Variants in CRISPLD2 observed in about 807,000 individuals in gnomAD.
CRISPLD2 encodes cysteine rich secretory protein LCCL domain containing 2.
In CRISPLD2, 47 loss-of-function variants were observed where a neutral mutation model predicts 71.1. That is an observed-to-expected ratio of 0.66 (90% CI 0.52 to 0.84). The LOEUF (loss-of-function observed/expected upper bound fraction) is 0.84, where lower values mean the gene tolerates loss of function less well. Among genes scored for constraint, CRISPLD2 ranks in the 40% least tolerant of loss-of-function variants. The pLI is 0.00. For synonymous variants in CRISPLD2, 317 were observed against 250.1 expected (o/e 1.27, Z -2.52); for missense variants, 830 against 651.1 (o/e 1.27, Z -2.99).
chr16:84,826,425 G>T (rs995383676), intron 1 of CRISPLD2, among the ~76,000 whole-genome samples: 8 of 152,230 alleles, frequency 5.3e-5, no homozygotes, highest in Non-Finnish European at 1.0e-4. Flanking sequence ...TTCAGAGCAC[G>T]TTTCATGCCC....
At chr16:84,841,729 G>C (rs1487010861) in intron 2 of CRISPLD2, among the ~76,000 whole-genome samples, 1 of 151,924 alleles carries the variant, frequency 6.6e-6, no homozygotes, top group Non-Finnish European at 1.5e-5. Context: ...CCAAGTAGTT[G>C]GGATTATAGG....
chr16:84,822,694 A>T (rs1916258273), intron 1 of CRISPLD2, among the ~76,000 whole-genome samples: 1 of 152,150 alleles, frequency 6.6e-6, no homozygotes, highest in Admixed American at 6.5e-5. Context: ...CAGTTCATTG[A>T]GTGGAACAGA....
At chr16:84,879,361 C>CTTTTT (rs376471544) in intron 12 of CRISPLD2, among the ~76,000 whole-genome samples, 8 of 83,326 alleles carry the variant, frequency 9.6e-5, no homozygotes, top group East Asian at 8.3e-4. Context: ...CTTTCCAATT[C>CTTTTT]TTTTTTTTTT....
intron 1 of CRISPLD2, among the ~76,000 whole-genome samples, chr16:84,834,741 G>A (rs1004843246): frequency 1.3e-5 from 2 of 152,138 alleles, no homozygotes; most frequent in African/African-American, 2.4e-5. Context: ...CAAGGTGCTG[G>A]CGGGGCTGGT....
intron 1 of CRISPLD2, among the ~76,000 whole-genome samples, chr16:84,833,400 G>C (rs1916534820): frequency 6.6e-6 from 1 of 152,234 alleles, no homozygotes; most frequent in Admixed American, 6.5e-5. Context: ...ATCTTCTAGA[G>C]AGCATTTCTG....
chr16:84,837,682 G>T (rs908780941), intron 1 of CRISPLD2, among the ~76,000 whole-genome samples: 2 of 152,198 alleles, frequency 1.3e-5, no homozygotes, highest in Non-Finnish European at 2.9e-5. Flanking sequence ...CTCCCAAAGT[G>T]CTGGGATTAC....
rs140218373 is a variant in CRISPLD2, at chr16:84,876,949, C to T, written c.1157-489C>T. Among the ~76,000 whole-genome samples the T allele has an allele frequency of 2.1e-3, 316 of 152,298 alleles. 1 individual carries two copies. The highest frequency in any genetic ancestry group is 7.2e-3 in the African/African-American group (298 of 41,546). On this transcript the variant is annotated intron_variant, in intron 11 of 14. Transcript: ENST00000262424. ...AAGATAAAAGCCCCTCGCCCCTCAGCAGGGATGAATGTGCCTTGATTAGCG... is the reference window on the plus strand; with the variant it reads ...AAGATAAAAGCCCCTCGCCCCTCAGTAGGGATGAATGTGCCTTGATTAGCG...
chr16:84,848,097 G>A (rs1421164237), intron 3 of CRISPLD2, among the ~76,000 whole-genome samples: 1 of 152,192 alleles, frequency 6.6e-6, no homozygotes, highest in Non-Finnish European at 1.5e-5. Context: ...TTGCAAAAGA[G>A]CCCCTGACTC....
intron 2 of CRISPLD2, among the ~76,000 whole-genome samples, chr16:84,845,383 C>T (rs973863626): frequency 2.0e-5 from 3 of 152,116 alleles, no homozygotes; most frequent in Admixed American, 2.0e-4. Context: ...CTGGAACATG[C>T]ATAAGGAGAG....
chr16:84,837,128 G>T (rs1057187544), intron 1 of CRISPLD2, among the ~76,000 whole-genome samples: 1 of 152,230 alleles, frequency 6.6e-6, no homozygotes, highest in South Asian at 2.1e-4. Flanking sequence ...ACTCTCCCCT[G>T]CGAGGAAAGC....
chr16:84,846,696 G>A (rs1360286882), intron 3 of CRISPLD2, among the ~76,000 whole-genome samples: 1 of 152,156 alleles, frequency 6.6e-6, no homozygotes. Context: ...ACCCTGTTGG[G>A]AAGATGCCCA....
At position 84,903,540 on chromosome 16, in the gene CRISPLD2, C is replaced by T. The variant is rs567593553; in HGVS notation, c.1440-3048C>T. On this transcript the variant is annotated intron_variant, in intron 14 of 14. Transcript: ENST00000262424. ...CTGGGAGGCGGCGGTTGCAATGAGCCGAGATCACACCGTTGCACTCCAGCC... is the reference window on the plus strand; with the variant it reads ...CTGGGAGGCGGCGGTTGCAATGAGCTGAGATCACACCGTTGCACTCCAGCC... Among the ~76,000 whole-genome samples, 4 of 150,618 alleles carry T rather than the reference C, an allele frequency of 2.7e-5. No individual in the cohort carries two copies. The South Asian group carries it at 6.3e-4, about 24-fold the overall frequency.
At position 84,877,480 on chromosome 16, in the gene CRISPLD2, C is replaced by G; in HGVS notation, c.1199C>G (p.Pro400Arg). The part of the protein sequence containing the change: ...DCYTTVAQLC[P>R]FEKPATHCPR... The stretch of plus-strand genomic sequence containing the variant: ...TACACGACCGTTGCTCAGCTGTGCC[C>G]GTTTGAAAAGCCAGCAACTCACTGC... Residue 400 changes from proline (P) to arginine (R), a missense_variant, in exon 12 of 15, where the codon CCG (proline) becomes CGG (arginine). By Grantham distance (103) the Pro-to-Arg change is moderately radical. Coordinates refer to ENST00000262424, the MANE Select transcript of CRISPLD2 (RefSeq NM_031476.4). 2 of 1,613,924 alleles carry G rather than the reference C, an allele frequency of 1.2e-6. No homozygotes were observed. Among genetic ancestry groups the G allele is most frequent in the South Asian group, 1.1e-5 (1 of 91,076 alleles).
At chr16:84,833,760 G>A (rs1368121562) in intron 1 of CRISPLD2, among the ~76,000 whole-genome samples, 1 of 152,182 alleles carries the variant, frequency 6.6e-6, no homozygotes, top group South Asian at 2.1e-4. Flanking sequence ...ACGTCACCAT[G>A]ATGCGAGGGT....
At chr16:84,882,298 G>T (rs775594788) in intron 13 of CRISPLD2, among the ~76,000 whole-genome samples, 7 of 101,840 alleles carry the variant, frequency 6.9e-5, no homozygotes, top group Non-Finnish European at 1.0e-4. Context: ...TACAGGAAAA[G>T]GAATAAAAAC....
intron 14 of CRISPLD2, among the ~76,000 whole-genome samples, chr16:84,896,831 A>C (rs376171325): frequency 1.3e-5 from 2 of 152,148 alleles, no homozygotes; most frequent in African/African-American, 4.8e-5. Context: ...AATAAATTAC[A>C]CTTTTTAAAA....
At chr16:84,873,884 C>G in intron 10 of CRISPLD2, 36 bp from the exon 11 acceptor site, 1 of 1,536,820 alleles carries the variant, frequency 6.5e-7, no homozygotes, top group Admixed American at 2.1e-5. Flanking sequence ...TTGCATTTAC[C>G]TAATGCCCGT....
chr16:84,877,991 A>G (rs1440148663), intron 12 of CRISPLD2, among the ~76,000 whole-genome samples: 1 of 151,162 alleles, frequency 6.6e-6, no homozygotes, highest in African/African-American at 2.4e-5. Flanking sequence ...CAGGCGGATC[A>G]CGAGGTCAGG....
chr16:84,847,461 C>A (rs904001824), intron 3 of CRISPLD2, among the ~76,000 whole-genome samples: 2 of 152,096 alleles, frequency 1.3e-5, no homozygotes, highest in Admixed American at 6.5e-5. Context: ...ACTATCCTGG[C>A]CAACATAGTG....
Sources: allele counts gnomAD v4.1 joint callset (sites outside exome capture counted in the v4.1 genomes callset), GRCh38; gene constraint gnomAD v4.1.1; transcripts MANE v1.5; gene names NCBI Gene and HGNC (gene_info 2026-07-23, HGNC 2026-07-21).